The following GRM5 variants were observed in gnomAD, a reference collection of about 807,000 sequenced individuals.
GRM5 encodes metabotropic glutamate receptor 5.
Under a neutral mutation model 83.1 loss-of-function variants are expected in GRM5, and 19 were observed. That is an observed-to-expected ratio of 0.23 (90% CI 0.16 to 0.34). The LOEUF (loss-of-function observed/expected upper bound fraction) is 0.34. Ranked by LOEUF, GRM5 falls within the 10% of genes least tolerant of loss-of-function variation. GRM5 has a pLI of 1.00. For synonymous variants in GRM5, 675 were observed against 633.6 expected (o/e 1.07, Z -0.98); for missense variants, 1,160 against 1,588.3 (o/e 0.73, Z 4.58).
chr11:88,719,995 GTTCTCCCA>G (rs1261838623), intron 3 of GRM5, among the ~76,000 whole-genome samples: 17 of 151,896 alleles, frequency 1.1e-4, no homozygotes, highest in Non-Finnish European at 4.4e-5. Flanking sequence ...TTGCAAAAAT[GTTCTCCCA>G]TTCTGTAGCT....
intron 2 of GRM5, among the ~76,000 whole-genome samples, chr11:88,977,511 A>C (rs544004135): frequency 6.6e-6 from 1 of 152,144 alleles, no homozygotes; most frequent in South Asian, 2.1e-4. Context: ...GTCTTTAAAA[A>C]ACTGAGTTCA....
chr11:88,568,353 C>A (rs1290926345), intron 7 of GRM5, among the ~76,000 whole-genome samples: 1 of 152,092 alleles, frequency 6.6e-6, no homozygotes. Context: ...GCAGCAAAGG[C>A]CTCCTACAAT....
At chr11:88,552,227 A>G (rs1052107928) in intron 8 of GRM5, among the ~76,000 whole-genome samples, 3 of 151,876 alleles carry the variant, frequency 2.0e-5, no homozygotes, top group Admixed American at 6.6e-5. Context: ...GGGTCTTGCT[A>G]TGTCATCCAG....
At chr11:88,742,961 G>T (rs1259407573) in intron 3 of GRM5, among the ~76,000 whole-genome samples, 1 of 152,064 alleles carries the variant, frequency 6.6e-6, no homozygotes, top group Non-Finnish European at 1.5e-5. Flanking sequence ...TGCAGAAATG[G>T]CATCAAGGAC....
chr11:88,665,856 G>A (rs200047746), intron 3 of GRM5, among the ~76,000 whole-genome samples: 40 of 146,132 alleles, frequency 2.7e-4, no homozygotes, highest in Non-Finnish European at 2.2e-4. Flanking sequence ...TGATCCAGGA[G>A]AAAAAAAAAA....
chr11:89,019,542 A>C (rs1428566248), intron 2 of GRM5, among the ~76,000 whole-genome samples: 5 of 145,310 alleles, frequency 3.4e-5, no homozygotes, highest in African/African-American at 1.3e-4. Flanking sequence ...TAAAAATACA[A>C]AAAAAAAAAA....
intron 3 of GRM5, among the ~76,000 whole-genome samples, chr11:88,774,069 T>A (rs1016460836): frequency 8.5e-5 from 13 of 152,298 alleles, no homozygotes; most frequent in African/African-American, 3.1e-4. Context: ...CAATATTGAT[T>A]TTTCCTATCC....
intron 2 of GRM5, among the ~76,000 whole-genome samples, chr11:88,942,082 A>G (rs528007728): frequency 5.3e-5 from 8 of 152,114 alleles, no homozygotes; most frequent in Non-Finnish European, 1.0e-4. Flanking sequence ...AAGACAAAGC[A>G]TAAAACACAG....
intron 1 of GRM5, among the ~76,000 whole-genome samples, chr11:89,060,167 C>G (rs1725040138): frequency 6.6e-6 from 1 of 151,910 alleles, no homozygotes; most frequent in East Asian, 1.9e-4. Context: ...ACAAAGGAAA[C>G]ACGGTAAATT....
chr11:89,009,527 A>C (rs1420930096), intron 2 of GRM5, among the ~76,000 whole-genome samples: 2 of 152,178 alleles, frequency 1.3e-5, no homozygotes, highest in Non-Finnish European at 2.9e-5. Context: ...TAATATAATA[A>C]AGTATGTATG....
At chr11:88,599,741 C>T (rs571809410) in intron 5 of GRM5, among the ~76,000 whole-genome samples, 14 of 152,234 alleles carry the variant, frequency 9.2e-5, no homozygotes, top group East Asian at 3.9e-4. Context: ...AGGTCAGGCA[C>T]GGTGGCTCAC....
At chr11:88,829,421 A>G (rs1403808583) in intron 3 of GRM5, among the ~76,000 whole-genome samples, 1 of 152,218 alleles carries the variant, frequency 6.6e-6, no homozygotes, top group Non-Finnish European at 1.5e-5. Flanking sequence ...AGATTGTGCT[A>G]CTGCACTCCA....
At chr11:88,792,753 G>C (rs1943200442) in intron 3 of GRM5, among the ~76,000 whole-genome samples, 1 of 151,948 alleles carries the variant, frequency 6.6e-6, no homozygotes, top group African/African-American at 2.4e-5. Flanking sequence ...GTGAAATACT[G>C]CTTTTTAAAT....
At chr11:88,791,432 C>T (rs1402970507) in intron 3 of GRM5, among the ~76,000 whole-genome samples, 1 of 152,156 alleles carries the variant, frequency 6.6e-6, no homozygotes, top group Admixed American at 6.5e-5. Flanking sequence ...ACTGAACCTT[C>T]AGCAAATGCT....
At chr11:88,862,564 A>T in intron 2 of GRM5, among the ~76,000 whole-genome samples, 1 of 152,262 alleles carries the variant, frequency 6.6e-6, no homozygotes, top group East Asian at 1.9e-4. Context: ...CTAATTATAA[A>T]ATTTAATGTT....
At position 88,508,841 on chromosome 11, in the gene GRM5, C is replaced by A; in HGVS notation, c.3390G>T (p.Ala1130=). The A allele has an allele frequency of 2.6e-6, 4 of 1,553,782 alleles. No homozygotes were observed. Among genetic ancestry groups the A allele is most frequent in the Admixed American group, 1.9e-5 (1 of 51,602 alleles). Residue 1130 remains alanine, a synonymous_variant, in exon 10 of 10, where the codon GCG becomes GCT. Transcript: ENST00000305447. This position sits in a 1 kb window ranked among gnomAD's most constrained non-coding sequence, Gnocchi z 4.2. ...CGTCCCCAGCCGCCTGCGCCCCTGC[C>A]GCGGGCTGCGCGCCTCCCGTGACTT... ...AIEVTGGAQP[A]AGAQAAGDAA...
At chr11:88,927,189 A>T (rs1479223890) in intron 2 of GRM5, among the ~76,000 whole-genome samples, 1 of 152,156 alleles carries the variant, frequency 6.6e-6, no homozygotes, top group East Asian at 1.9e-4. Context: ...AAGGAAGTCA[A>T]TATAGTTCAG....
chr11:89,062,786 G>T (rs757227652), intron 1 of GRM5, among the ~76,000 whole-genome samples: 6 of 152,228 alleles, frequency 3.9e-5, no homozygotes, highest in African/African-American at 1.2e-4. Context: ...CCTAATGCAC[G>T]TTGGGCTCGG....
At chr11:89,021,300 G>C in intron 2 of GRM5, among the ~76,000 whole-genome samples, 1 of 152,022 alleles carries the variant, frequency 6.6e-6, no homozygotes, top group East Asian at 1.9e-4. Flanking sequence ...CACTAACAAG[G>C]TCACTCCATC....
Sources: allele counts gnomAD v4.1 joint callset (sites outside exome capture counted in the v4.1 genomes callset), GRCh38; gene constraint gnomAD v4.1.1; non-coding constraint Gnocchi (gnomAD v3.1); transcripts MANE v1.5; gene names NCBI Gene and HGNC (gene_info 2026-07-23, HGNC 2026-07-21).